Variants in DOCK3 observed in about 807,000 individuals in gnomAD.
The protein encoded by DOCK3 is dedicator of cytokinesis protein 3.
In DOCK3, 60 loss-of-function variants were observed where a neutral mutation model predicts 265.6. The observed-to-expected ratio is 0.23, with a 90% CI of 0.18 to 0.28. The LOEUF (loss-of-function observed/expected upper bound fraction) is 0.28. Ranked by LOEUF, DOCK3 falls within the 10% of genes least tolerant of loss-of-function variation. The probability of loss-of-function intolerance (pLI) is 1.00; values close to 1 mark genes in which losing one functional copy is unlikely to be tolerated. For synonymous variants in DOCK3, 881 were observed against 938.0 expected (o/e 0.94, Z 1.11); for missense variants, 1,981 against 2,594.3 (o/e 0.76, Z 5.14).
Position 51,228,051 on chromosome 3 carries a change from C to G in DOCK3, c.1610C>G (p.Thr537Ser), listed in dbSNP as rs971889340. Residue 537 changes from threonine (T) to serine (S), a missense_variant, in exon 17 of 53, where the codon ACC becomes AGC. By Grantham distance (58) the Thr-to-Ser change is moderately conservative (BLOSUM62 1). Around this residue, in one of 4 missense-constraint regions of DOCK3, gnomAD observed 1,357 missense variants for 1,866.8 expected, o/e 0.73. Coordinates refer to ENST00000266037, the MANE Select transcript of DOCK3 (RefSeq NM_004947.5). ...FSTLMRDDGT[T>S]LSDDIHELYV... ...ACCCTGATGCGTGATGATGGCACCACCCTCTCAGATGATATTCACGAGCTT... is the reference window on the plus strand; with the variant it reads ...ACCCTGATGCGTGATGATGGCACCAGCCTCTCAGATGATATTCACGAGCTT... The G allele has an allele frequency of 3.1e-6, 5 of 1,613,920 alleles. No homozygotes were observed.
intron 1 of DOCK3, among the ~76,000 whole-genome samples, chr3:50,696,887 C>A (rs186163759): frequency 2.6e-5 from 4 of 151,626 alleles, no homozygotes; most frequent in East Asian, 1.9e-4. Flanking sequence ...TTTTTAAAGC[C>A]TACCTTTAAA....
intron 5 of DOCK3, among the ~76,000 whole-genome samples, chr3:51,059,112 A>G (rs544216139): frequency 6.6e-6 from 1 of 152,090 alleles, no homozygotes; most frequent in South Asian, 2.1e-4. Context: ...CCCAGTGTCT[A>G]TTGTTGTTGT....
intron 2 of DOCK3, among the ~76,000 whole-genome samples, chr3:50,819,791 G>A (rs774019898): frequency 3.8e-4 from 58 of 152,120 alleles, no homozygotes; most frequent in Non-Finnish European, 6.8e-4. Context: ...GCGAAACCCC[G>A]TCTCTACTAA....
At chr3:51,360,398 T>G in intron 46 of DOCK3, 113 bp from the exon 47 acceptor site, 8 of 1,372,582 alleles carry the variant, frequency 5.8e-6, no homozygotes, top group Non-Finnish European at 7.9e-6. Flanking sequence ...GCCAACCATA[T>G]GATTCTTTTT....
chr3:51,200,765 A>C (rs970526974), intron 12 of DOCK3, among the ~76,000 whole-genome samples: 1 of 152,094 alleles, frequency 6.6e-6, no homozygotes, highest in Non-Finnish European at 1.5e-5. Context: ...TGTTAAGGGC[A>C]GCCAGAGAGA....
intron 2 of DOCK3, among the ~76,000 whole-genome samples, chr3:50,796,361 G>A (rs1442288852): frequency 7.1e-6 from 1 of 141,796 alleles, no homozygotes. Context: ...TTTTTGAGAT[G>A]GAGTTTTGCT....
intron 51 of DOCK3, 94 bp from the exon 52 acceptor site, chr3:51,380,031 T>C: frequency 1.6e-6 from 2 of 1,242,606 alleles, no homozygotes; most frequent in Non-Finnish European, 2.3e-6. Flanking sequence ...CAGGGGACTC[T>C]TCTCATGCCT....
intron 1 of DOCK3, among the ~76,000 whole-genome samples, chr3:50,725,706 G>C (rs1369198691): frequency 6.6e-6 from 1 of 152,170 alleles, no homozygotes; most frequent in Non-Finnish European, 1.5e-5. Flanking sequence ...GGTATGGTTT[G>C]CTGGTGCCAG....
At chr3:50,970,585 A>G (rs1375172402) in intron 5 of DOCK3, among the ~76,000 whole-genome samples, 1 of 151,858 alleles carries the variant, frequency 6.6e-6, no homozygotes, top group African/African-American at 2.4e-5. Context: ...TATTGTCTTC[A>G]GTGAACATTT....
At chr3:51,312,617 C>A in intron 30 of DOCK3, 41 bp downstream of exon 30, 1 of 1,509,212 alleles carries the variant, frequency 6.6e-7, no homozygotes, top group Non-Finnish European at 8.9e-7. Context: ...ACCACTTGGC[C>A]AAATAGGGCT....
intron 25 of DOCK3, among the ~76,000 whole-genome samples, chr3:51,276,736 A>G (rs1560335178): frequency 6.6e-6 from 1 of 152,196 alleles, no homozygotes; most frequent in Non-Finnish European, 1.5e-5. Flanking sequence ...TGACTGGCAC[A>G]TGGTAAATGT....
At chr3:51,303,137 G>C (rs1172953022) in intron 27 of DOCK3, among the ~76,000 whole-genome samples, 1 of 147,872 alleles carries the variant, frequency 6.8e-6, no homozygotes, top group Non-Finnish European at 1.5e-5. Context: ...CTCTAATCTT[G>C]TCTTGCCTTA....
chr3:51,193,275 C>G (rs967835450), intron 12 of DOCK3, among the ~76,000 whole-genome samples: 1 of 152,150 alleles, frequency 6.6e-6, no homozygotes, highest in Non-Finnish European at 1.5e-5. Context: ...GCAACTTGAT[C>G]ATAATGTATT....
In DOCK3 at chr3:51,022,232, A is replaced by C. The variant is rs770137901; in HGVS notation, c.316-42216A>C. Among the ~76,000 whole-genome samples, 123 of 152,196 alleles carry C rather than the reference A, an allele frequency of 8.1e-4. 1 individual carries two copies. The highest frequency in any genetic ancestry group is 1.7e-3 in the Non-Finnish European group (113 of 68,038). Reference sequence around the variant, plus strand: ...AGTGACCCTGTTAAATTCATTTATTAAATGTAATGATTTATTTGTAGATTC... The same window carrying C: ...AGTGACCCTGTTAAATTCATTTATTCAATGTAATGATTTATTTGTAGATTC... On this transcript the variant is annotated intron_variant, in intron 5 of 52. Transcript: ENST00000266037.
chr3:51,154,619 A>G (rs1053366969), intron 10 of DOCK3, among the ~76,000 whole-genome samples: 2 of 152,144 alleles, frequency 1.3e-5, no homozygotes, highest in African/African-American at 4.8e-5. Context: ...TGATTCTCTG[A>G]TATTTCCTGG....
chr3:50,777,839 A>G (rs577872020), intron 1 of DOCK3, among the ~76,000 whole-genome samples: 2 of 152,248 alleles, frequency 1.3e-5, no homozygotes, highest in African/African-American at 4.8e-5. Context: ...TTCTAAGTAT[A>G]TGATTATATC....
At chr3:51,003,497 A>C (rs139797870) in intron 5 of DOCK3, among the ~76,000 whole-genome samples, 1 of 152,242 alleles carries the variant, frequency 6.6e-6, no homozygotes, top group Admixed American at 6.5e-5. Flanking sequence ...TGAAAGACAT[A>C]CATTTACGCT....
intron 24 of DOCK3, 147 bp from the exon 25 acceptor site, chr3:51,274,932 C>A: frequency 1.1e-6 from 1 of 882,302 alleles, no homozygotes. Flanking sequence ...CTTTCAGGCC[C>A]TTGTAAGGTA....
intron 5 of DOCK3, among the ~76,000 whole-genome samples, chr3:51,009,813 T>C (rs920133603): frequency 6.6e-6 from 1 of 152,242 alleles, no homozygotes; most frequent in African/African-American, 2.4e-5. Flanking sequence ...TTCTGGTATG[T>C]TGTGTCTTTG....
Sources: gnomAD v4.1 joint callset for allele counts (sites outside exome capture counted in the v4.1 genomes callset) on GRCh38, gnomAD v4.1.1 for gene constraint, gnomAD v4.1.1 regional missense constraint, MANE v1.5 for transcripts, NCBI Gene and HGNC (gene_info 2026-07-23, HGNC 2026-07-21) for gene names.